Variants in GBE1 observed in about 807,000 individuals in gnomAD.
The protein encoded by GBE1 is 1,4-alpha-glucan-branching enzyme.
In GBE1, 70 loss-of-function variants were observed where a neutral mutation model predicts 88.8. The observed-to-expected ratio is 0.79, with a 90% CI of 0.65 to 0.96. The LOEUF is 0.96. Among genes scored for constraint, GBE1 ranks in the 40% least tolerant of loss-of-function variants. The pLI is 0.00. For synonymous variants in GBE1, 284 were observed against 300.1 expected, an observed-to-expected ratio of 0.95 and a Z score of 0.56; for missense variants, 872 against 871.0, an observed-to-expected ratio of 1.00 and a Z score of -0.01.
At chr3:81,710,637 T>C (rs1705852025) in intron 1 of GBE1, among the ~76,000 whole-genome samples, 1 of 152,006 alleles carries the variant, frequency 6.6e-6, no homozygotes, top group South Asian at 2.1e-4. Context: ...TCATAGATTG[T>C]AAGGAATCAA....
rs141400741 is a variant in GBE1 at position 81,548,375 on chromosome 3, C to T, written c.1619-11280G>A. ...ACACTAATGTAAAGGTGAAATTTGG[C>T]TTATTTGGTACAAAAATCATACAGG... On this transcript the variant is annotated intron_variant, in intron 12 of 15. Transcript: ENST00000429644. Among the ~76,000 whole-genome samples the T allele has an allele frequency of 8.5e-4, 128 of 151,352 alleles. 2 individuals are homozygous for T. The East Asian group carries it at 0.02, about 24-fold the overall frequency.
chr3:81,750,566 TATATATATACGTATATATATAC>T (rs1559708437), intron 1 of GBE1, among the ~76,000 whole-genome samples: 4 of 68,812 alleles, frequency 5.8e-5, no homozygotes, highest in South Asian at 3.5e-4. Context: ...TATATATGTA[TATATATATACGTATATATATAC>T]GTATATATAT....
At chr3:81,689,657 G>A (rs1429117692) in intron 2 of GBE1, among the ~76,000 whole-genome samples, 1 of 152,082 alleles carries the variant, frequency 6.6e-6, no homozygotes, top group Admixed American at 6.6e-5. Context: ...CATCACTAGC[G>A]GGCGAGTCCA....
At chr3:81,752,506 G>T (rs530320525) in intron 1 of GBE1, among the ~76,000 whole-genome samples, 279 of 152,258 alleles carry the variant, frequency 1.8e-3, no homozygotes, top group Non-Finnish European at 3.0e-3. Context: ...AGAAAAGGAA[G>T]ATCAAGAGAA....
intron 2 of GBE1, among the ~76,000 whole-genome samples, chr3:81,691,327 A>C (rs1705516723): frequency 6.6e-6 from 1 of 152,242 alleles, no homozygotes; most frequent in Admixed American, 6.5e-5. Flanking sequence ...ACTATTTTAT[A>C]CAAAAGCTTT....
intron 1 of GBE1, among the ~76,000 whole-genome samples, chr3:81,709,198 CA>C (rs1421121897): frequency 6.6e-6 from 1 of 152,090 alleles, no homozygotes; most frequent in African/African-American, 2.4e-5. Context: ...CTAATTTAAA[CA>C]GTGGCAACTG....
intron 1 of GBE1, among the ~76,000 whole-genome samples, chr3:81,729,323 A>G (rs1706156321): frequency 1.3e-5 from 2 of 152,146 alleles, no homozygotes; most frequent in South Asian, 4.1e-4. Context: ...CCCAGTGGCC[A>G]GGAAGTTAAG....
chr3:81,630,957 C>CT (rs1301190042), intron 7 of GBE1, among the ~76,000 whole-genome samples: 1 of 152,124 alleles, frequency 6.6e-6, no homozygotes, highest in Non-Finnish European at 1.5e-5. Flanking sequence ...AATCCTAGCA[C>CT]TTTCAGAGGC....
At chr3:81,660,897 G>A (rs1036207708) in intron 3 of GBE1, among the ~76,000 whole-genome samples, 1 of 152,124 alleles carries the variant, frequency 6.6e-6, no homozygotes, top group South Asian at 2.1e-4. Flanking sequence ...GTTATTTCCT[G>A]TAGGCATACC....
In GBE1 at chr3:81,648,910, C is replaced by T. The variant is rs1466662281; in HGVS notation, c.637G>A (p.Val213Ile). ...HVGISSHEGK[V>I]ASYKHFTCNV... ...CATGTAAAATGTTTATAAGAAGCTA[C>T]TTTTCCTTCATGGGAAGAAATTCCC... The change falls in exon 5 of 16, where the codon GTA becomes ATA. Residue 213 changes from valine (V) to isoleucine (I), a missense_variant. Transcript: ENST00000429644. 3 of 1,589,112 alleles carry T rather than the reference C, an allele frequency of 1.9e-6. No homozygotes were observed. The highest frequency in any genetic ancestry group is 2.6e-6 in the Non-Finnish European group (3 of 1,164,062).
At chr3:81,520,325 T>C (rs1449476275) in intron 14 of GBE1, among the ~76,000 whole-genome samples, 1 of 151,532 alleles carries the variant, frequency 6.6e-6, no homozygotes, top group Non-Finnish European at 1.5e-5. Context: ...TATCGCAACG[T>C]TTCAAACTTT....
At position 81,649,802 on chromosome 3, in the gene GBE1, T is replaced by C. The variant is rs1489092127; in HGVS notation, c.549A>G (p.Ser183=). ...AAAGATTTGTTGTTCTCACCTCATA[T>C]GAGTGTTCTGGATCCCAGTGTATCC... ...YDWIHWDPEH[S]YEFKHSRPKK... is the part of the protein sequence containing the mutation. The change falls in exon 4 of 16, where the codon TCA becomes TCG. Residue 183 remains serine (S), a synonymous_variant. Coordinates refer to ENST00000429644, the MANE Select transcript of GBE1 (RefSeq NM_000158.4). 2.5e-6 allele frequency: 4 copies of C among 1,607,518 alleles called. No homozygotes were observed. Among genetic ancestry groups the C allele is most frequent in the Admixed American group, 1.7e-5 (1 of 59,166 alleles).
chr3:81,622,545 C>T lies in GBE1; in HGVS notation c.992+20236G>A, dbSNP rs1397520220. Among the ~76,000 whole-genome samples the T allele has an allele frequency of 2.6e-5, 4 of 152,324 alleles. 1 individual carries two copies. In the East Asian group the frequency reaches 5.8e-4, roughly 22 times the overall value. On this transcript the variant is annotated intron_variant, in intron 7 of 15. Transcript: ENST00000429644. ...CCCTTTACAAACAGATGATTTCTGA[C>T]TCAAATTGCCAGTCCGAACCTCCCC...
chr3:81,732,724 G>A (rs1163771513), intron 1 of GBE1, among the ~76,000 whole-genome samples: 1 of 152,018 alleles, frequency 6.6e-6, no homozygotes, highest in African/African-American at 2.4e-5. Flanking sequence ...TTACATCCTT[G>A]CCTCCTACAA....
chr3:81,596,734 CA>C (rs1196785342), intron 7 of GBE1, among the ~76,000 whole-genome samples: 1 of 151,888 alleles, frequency 6.6e-6, no homozygotes, highest in Admixed American at 6.6e-5. Context: ...CTCAAATATA[CA>C]TTAAAGATCC....
At chr3:81,546,019 T>C (rs924195448) in intron 12 of GBE1, among the ~76,000 whole-genome samples, 6 of 152,186 alleles carry the variant, frequency 3.9e-5, no homozygotes, top group African/African-American at 9.7e-5. Flanking sequence ...GTTATAATAG[T>C]TCTATGTTAT....
chr3:81,495,461 A>G (rs1289382617), intron 15 of GBE1, among the ~76,000 whole-genome samples: 2 of 152,094 alleles, frequency 1.3e-5, no homozygotes, highest in African/African-American at 4.8e-5. Context: ...ACACTTTTTT[A>G]TAATAAAAAT....
intron 7 of GBE1, among the ~76,000 whole-genome samples, chr3:81,636,579 G>C (rs1420075658): frequency 6.7e-6 from 1 of 149,866 alleles, no homozygotes; most frequent in Non-Finnish European, 1.5e-5. Flanking sequence ...TGTCCAGGCT[G>C]GAGTGCAATG....
intron 1 of GBE1, among the ~76,000 whole-genome samples, chr3:81,752,420 G>A (rs1489920308): frequency 6.6e-6 from 1 of 152,082 alleles, no homozygotes; most frequent in East Asian, 1.9e-4. Flanking sequence ...CAGTTCAGGA[G>A]GAAGAAAATC....
Sources: allele counts gnomAD v4.1 joint callset (sites outside exome capture counted in the v4.1 genomes callset), GRCh38; gene constraint gnomAD v4.1.1; transcripts MANE v1.5; gene names NCBI Gene and HGNC (gene_info 2026-07-23, HGNC 2026-07-21).